The following NUDT1 variants were observed in gnomAD, a reference collection of about 807,000 sequenced individuals.
NUDT1 encodes nudix hydrolase 1.
Under a neutral mutation model 11.3 loss-of-function variants are expected in NUDT1, and 16 were observed. The ratio of observed to expected loss-of-function variants is 1.41; its 90% confidence interval spans 0.96 to 2.15. The LOEUF (loss-of-function observed/expected upper bound fraction) is 2.15. NUDT1 is among the 30% of genes most tolerant of loss of function. The pLI, the probability that NUDT1 is intolerant of heterozygous loss-of-function variation, is 0.00. For missense variants in NUDT1, 234 were observed against 208.4 expected, an observed-to-expected ratio of 1.12 and a Z score of -0.76; for synonymous variants, 101 against 84.4, an observed-to-expected ratio of 1.20 and a Z score of -1.08.
In NUDT1 at chr7:2,249,955, A is replaced by C; in HGVS notation, c.251A>C (p.His84Pro). The C allele has an allele frequency of 6.2e-7, 1 of 1,614,144 alleles. No homozygotes were observed. Residue 84 changes from histidine (H) to proline (P), a missense_variant, in exon 3 of 4, where the codon CAT (histidine) becomes CCT (proline). Coordinates refer to ENST00000356714, the MANE Select transcript of NUDT1 (RefSeq NM_002452.4). ...GGCGAGCCTGAGCTCATGGACGTGC[A>C]TGTCTTCTGCACAGACAGCATCCAG... is the stretch of plus-strand genomic sequence containing the variant. Reference protein sequence around the residue: ...FVGEPELMDVHVFCTDSIQGT... With the variant: ...FVGEPELMDVPVFCTDSIQGT...
At chr7:2,247,321 G>T (rs756865952) in intron 2 of NUDT1, among the ~76,000 whole-genome samples, 1 of 152,224 alleles carries the variant, frequency 6.6e-6, no homozygotes, top group African/African-American at 2.4e-5. Context: ...CACCCTCCCC[G>T]CTTGCCTGCA....
intron 1 of NUDT1, 174 bp from the exon 2 acceptor site, chr7:2,244,389 A>G: frequency 1.7e-6 from 1 of 595,326 alleles, no homozygotes; most frequent in Admixed American, 3.3e-5. Flanking sequence ...TCACTGGTTC[A>G]ATGGCAGTTT....
intron 2 of NUDT1, among the ~76,000 whole-genome samples, chr7:2,245,763 C>T (rs1442209771): frequency 1.3e-5 from 2 of 152,072 alleles, no homozygotes; most frequent in Non-Finnish European, 2.9e-5. Context: ...CTCATTAACT[C>T]CCAGGCTCAA....
At chr7:2,244,315 C>T (rs924607685) in intron 1 of NUDT1, among the ~76,000 whole-genome samples, 5 of 152,252 alleles carry the variant, frequency 3.3e-5, no homozygotes, top group East Asian at 3.9e-4. Flanking sequence ...AGGAAGGTAG[C>T]GCCGGCCTCT....
intron 1 of NUDT1, chr7:2,242,949 CA>C (rs1562404895): frequency 1.4e-6 from 1 of 714,412 alleles, no homozygotes; most frequent in East Asian, 2.7e-5. Flanking sequence ...TGTACTGGAG[CA>C]ATCAGATCAC....
chr7:2,251,142 G>A lies in NUDT1; in HGVS notation c.*141G>A, dbSNP rs1484345317. On this transcript the variant is annotated 3_prime_UTR_variant, in exon 4 of 4. Transcript: ENST00000356714. ...GGAAGGGAAAATAAAGCTATCTAGC[G>A]GTGGTTTTTTTTTTTTTTTTTTGGA... 11 of 792,314 alleles carry A rather than the reference G, an allele frequency of 1.4e-5. 1 individual carries two copies. Among genetic ancestry groups the A allele is most frequent in the South Asian group, 4.9e-5 (3 of 61,460 alleles). 49.1% of individuals were successfully genotyped at this position (792,314 alleles called of 1,614,324 possible).
Position 2,249,984 on chromosome 7 carries a change from A to AC in NUDT1, c.285dup (p.Val96ArgfsTer88), listed in dbSNP as rs775493463. The AC allele has an allele frequency of 6.2e-7, 1 of 1,613,266 alleles. No individual in the cohort carries two copies. Among genetic ancestry groups the AC allele is most frequent in the South Asian group, 1.1e-5 (1 of 91,032 alleles). ...CTTCTGCACAGACAGCATCCAGGGG[A>AC]CCCCCGTGGAGAGCGACGGTGAGTC... On this transcript the variant is annotated frameshift_variant, in exon 3 of 4. Coordinates refer to ENST00000356714, the MANE Select transcript of NUDT1 (RefSeq NM_002452.4). LOFTEE classifies it low-confidence loss of function (END_TRUNC).
intron 2 of NUDT1, 149 bp from the exon 3 acceptor site, chr7:2,249,708 T>A: frequency 1.1e-6 from 1 of 901,212 alleles, no homozygotes; most frequent in Non-Finnish European, 1.7e-6. Context: ...GACCAGATAA[T>A]GCATTCTAGG....
chr7:2,249,483 C>T (rs1794893876), intron 2 of NUDT1: 8 of 309,938 alleles, frequency 2.6e-5, no homozygotes. Context: ...GAAGTGGGGT[C>T]AGTCCCAACC....
rs1794570823 is a variant in NUDT1, at chr7:2,242,246, C to A, written c.-23C>A. On this transcript the variant is annotated 5_prime_UTR_variant, in exon 1 of 4. Coordinates refer to ENST00000356714, the MANE Select transcript of NUDT1 (RefSeq NM_002452.4). ...CGGTCAGAGGCCACGCCCCCGGAAGCGGCGGTGCAGGTACGAAAAGCGCGC... is the reference window on the plus strand; with the variant it reads ...CGGTCAGAGGCCACGCCCCCGGAAGAGGCGGTGCAGGTACGAAAAGCGCGC... 4 of 1,443,868 alleles carry A rather than the reference C, an allele frequency of 2.8e-6. No individual in the cohort carries two copies. The highest frequency in any genetic ancestry group is 3.7e-6 in the Non-Finnish European group (4 of 1,086,338). The allele number at this position is 1,443,868 out of a possible 1,614,324, so 89.4% of individuals were successfully genotyped here. A position where few individuals can be genotyped will look rare whatever the true frequency, so the allele number is the denominator to read the frequency against.
intron 1 of NUDT1, among the ~76,000 whole-genome samples, chr7:2,244,260 G>A (rs541705770): frequency 6.6e-6 from 1 of 152,172 alleles, no homozygotes; most frequent in Admixed American, 6.5e-5. Flanking sequence ...GCACGCTCTG[G>A]AAAGGTGATG....
intron 1 of NUDT1, among the ~76,000 whole-genome samples, chr7:2,243,570 C>T (rs1287300445): frequency 6.6e-6 from 1 of 152,058 alleles, no homozygotes; most frequent in East Asian, 1.9e-4. Flanking sequence ...CTCAGGAGTT[C>T]GTGACCAGCC....
At chr7:2,248,425 G>A (rs957016534) in intron 2 of NUDT1, among the ~76,000 whole-genome samples, 4 of 152,070 alleles carry the variant, frequency 2.6e-5, no homozygotes, top group African/African-American at 4.8e-5. Context: ...AAGTTGGAAC[G>A]TTTTATTCTT....
chr7:2,251,115 A>T lies in NUDT1; in HGVS notation c.*114A>T. 2.6e-5 allele frequency: 23 copies of T among 895,744 alleles called. No individual in the cohort carries two copies. Among genetic ancestry groups the T allele is most frequent in the Non-Finnish European group, 3.9e-5 (22 of 561,688 alleles). The allele number at this position is 895,744 out of a possible 1,614,324, so 55.5% of individuals were successfully genotyped here. ...CCGGGTTTCATCTGGAATTAACTGG[A>T]TGGAAGGGAAAATAAAGCTATCTAG... On this transcript the variant is annotated 3_prime_UTR_variant, in exon 4 of 4. Coordinates refer to ENST00000356714, the MANE Select transcript of NUDT1 (RefSeq NM_002452.4).
chr7:2,243,553 G>A (rs1794642149), intron 1 of NUDT1, among the ~76,000 whole-genome samples: 1 of 151,988 alleles, frequency 6.6e-6, no homozygotes, highest in Admixed American at 6.6e-5. Flanking sequence ...TGGGTGGATC[G>A]CTTGAGCTCA....
At chr7:2,246,077 C>T (rs1794755960) in intron 2 of NUDT1, among the ~76,000 whole-genome samples, 1 of 152,192 alleles carries the variant, frequency 6.6e-6, no homozygotes, top group Non-Finnish European at 1.5e-5. Flanking sequence ...GTGTCCCTGC[C>T]AGGAGTGTGT....
At position 2,242,358 on chromosome 7, in the gene NUDT1, G is replaced by T. The variant is rs35675198; in HGVS notation, c.-13+102G>T. 10 of 557,358 alleles carry T rather than the reference G, an allele frequency of 1.8e-5. No individual in the cohort carries two copies. In the East Asian group the frequency reaches 3.4e-4, roughly 19 times the overall value. The allele number at this position is 557,358 out of a possible 1,614,324, so 34.5% of individuals were successfully genotyped here. A position where few individuals can be genotyped will look rare whatever the true frequency, so the allele number is the denominator to read the frequency against. ...CTAGGGGAGCTGAGCCATGGGCTTG[G>T]GGGAGAGCGGGGCCGGGAGCTCGAA... On this transcript the variant is annotated intron_variant, in intron 1 of 3. Coordinates refer to ENST00000356714, the MANE Select transcript of NUDT1 (RefSeq NM_002452.4).
At chr7:2,244,271 T>A (rs1794676959) in intron 1 of NUDT1, among the ~76,000 whole-genome samples, 1 of 152,154 alleles carries the variant, frequency 6.6e-6, no homozygotes. Context: ...AAAGGTGATG[T>A]TGTCCTCTGC....
chr7:2,249,582 G>A, intron 2 of NUDT1: 1 of 508,034 alleles, frequency 2.0e-6, no homozygotes, highest in Non-Finnish European at 3.6e-6. Context: ...CACTGGGCTA[G>A]AACTGCGTTC....
Sources: allele counts gnomAD v4.1 joint callset (sites outside exome capture counted in the v4.1 genomes callset), GRCh38; gene constraint gnomAD v4.1.1; transcripts MANE v1.5; gene names NCBI Gene and HGNC (gene_info 2026-07-23, HGNC 2026-07-21).